KCNAB1: variants seen among roughly 807,000 people sequenced by gnomAD.
KCNAB1 encodes potassium voltage-gated channel subfamily A regulatory beta subunit 1.
KCNAB1 carries 35 observed loss-of-function variants against 64.6 expected under a neutral mutation model. The ratio of observed to expected loss-of-function variants is 0.54; its 90% CI spans 0.41 to 0.72. KCNAB1 has a LOEUF of 0.72. Among genes scored for constraint, KCNAB1 ranks in the 30% least tolerant of loss-of-function variants. The pLI, the probability that KCNAB1 is intolerant of heterozygous loss-of-function variation, is 0.00. For missense variants in KCNAB1, 401 were observed against 512.9 expected, an observed-to-expected ratio of 0.78 and a Z score of 2.11; for synonymous variants, 177 against 183.8, an observed-to-expected ratio of 0.96 and a Z score of 0.30.
chr3:156,524,412 G>T (rs1718155145), intron 12 of KCNAB1, among the ~76,000 whole-genome samples: 1 of 152,176 alleles, frequency 6.6e-6, no homozygotes, highest in Non-Finnish European at 1.5e-5. Flanking sequence ...TTCTTCTAAT[G>T]CTGTGGAGTC....
intron 12 of KCNAB1, 91 bp downstream of exon 12, chr3:156,524,038 T>C: frequency 8.1e-7 from 1 of 1,239,526 alleles, no homozygotes; most frequent in Non-Finnish European, 1.1e-6. Flanking sequence ...CATGATAAAA[T>C]GTCTATTGCA....
rs184659763 is a variant in KCNAB1, at chr3:156,510,933, T to C, written c.659-3431T>C. 3.6e-3 allele frequency among the ~76,000 whole-genome samples: 551 copies of C among 152,202 alleles called. 1 individual carries two copies. Among genetic ancestry groups the C allele is most frequent in the South Asian group, 0.011 (52 of 4,816 alleles). On this transcript the variant is annotated intron_variant, in intron 8 of 13. Transcript: ENST00000490337. Reference sequence around the variant, plus strand: ...AACCCCTGGGCTGGCCATCAGAAACTCTTCTCTTTTCTGTCTATAGACTTT... The same window carrying C: ...AACCCCTGGGCTGGCCATCAGAAACCCTTCTCTTTTCTGTCTATAGACTTT...
intron 1 of KCNAB1, among the ~76,000 whole-genome samples, chr3:156,208,765 A>C (rs1428617860): frequency 1.3e-5 from 2 of 152,144 alleles, no homozygotes; most frequent in African/African-American, 4.8e-5. Context: ...CACAATGTTC[A>C]CTAATTAGCC....
At chr3:156,256,626 C>T (rs757034449) in intron 1 of KCNAB1, among the ~76,000 whole-genome samples, 1 of 152,194 alleles carries the variant, frequency 6.6e-6, no homozygotes, top group Non-Finnish European at 1.5e-5. Flanking sequence ...TGAAGACTTA[C>T]CAGTGGGCCA....
chr3:156,367,104 C>T (rs1725989421), intron 1 of KCNAB1, among the ~76,000 whole-genome samples: 1 of 151,524 alleles, frequency 6.6e-6, no homozygotes, highest in Non-Finnish European at 1.5e-5. Context: ...CATAAAAGTC[C>T]TTTGCATGAA....
In KCNAB1 at chr3:156,127,501, T is replaced by G. The variant is rs372930143; in HGVS notation, c.275+6615T>G. ...AAGATTGCCTCCTAGCTCATTGTTC[T>G]GTTGTTTTGCATATTAGAGAAAATG... is the stretch of plus-strand genomic sequence containing the variant. On this transcript the variant is annotated intron_variant, in intron 1 of 13. Coordinates refer to ENST00000490337, the MANE Select transcript of KCNAB1 (RefSeq NM_172160.3). Among the ~76,000 whole-genome samples, 8 of 152,382 alleles carry G rather than the reference T, an allele frequency of 5.2e-5. No individual in the cohort carries two copies. In the East Asian group the frequency reaches 7.7e-4, roughly 15 times the overall value.
At chr3:156,249,385 A>G (rs1717674190) in intron 1 of KCNAB1, among the ~76,000 whole-genome samples, 9 of 152,046 alleles carry the variant, frequency 5.9e-5, no homozygotes, top group Admixed American at 4.6e-4. Context: ...CAGCCTGGCC[A>G]ACCTGGCGTA....
At chr3:156,270,074 C>A (rs972295611) in intron 1 of KCNAB1, among the ~76,000 whole-genome samples, 5 of 151,994 alleles carry the variant, frequency 3.3e-5, no homozygotes, top group South Asian at 2.1e-4. Flanking sequence ...TGCCACTACG[C>A]CCAGCTAATT....
intron 8 of KCNAB1, among the ~76,000 whole-genome samples, chr3:156,491,737 C>A (rs1715645132): frequency 6.6e-6 from 1 of 151,780 alleles, no homozygotes; most frequent in Non-Finnish European, 1.5e-5. Context: ...CTTTATTTGG[C>A]TTTGGAGGTC....
intron 2 of KCNAB1, among the ~76,000 whole-genome samples, chr3:156,433,421 T>A (rs1353484656): frequency 2.0e-5 from 3 of 152,128 alleles, no homozygotes; most frequent in Non-Finnish European, 2.9e-5. Flanking sequence ...GAAGGAAATA[T>A]AAAGCGTCAT....
At chr3:156,451,458 C>A (rs1278162674) in intron 2 of KCNAB1, among the ~76,000 whole-genome samples, 1 of 152,116 alleles carries the variant, frequency 6.6e-6, no homozygotes, top group Admixed American at 6.5e-5. Context: ...TTCTTGAAGC[C>A]AGTCCGTTTG....
At chr3:156,444,115 C>A (rs1312070849) in intron 2 of KCNAB1, among the ~76,000 whole-genome samples, 2 of 152,210 alleles carry the variant, frequency 1.3e-5, no homozygotes, top group Non-Finnish European at 2.9e-5. Context: ...AAGGGCCAGG[C>A]TCTGTGGAAA....
chr3:156,363,175 G>T (rs1393416394), intron 1 of KCNAB1, among the ~76,000 whole-genome samples: 1 of 152,190 alleles, frequency 6.6e-6, no homozygotes, highest in Non-Finnish European at 1.5e-5. Context: ...TGACATTATT[G>T]TGTATTAGGT....
At chr3:156,314,640 A>C (rs1309902016) in intron 1 of KCNAB1, among the ~76,000 whole-genome samples, 1 of 152,266 alleles carries the variant, frequency 6.6e-6, no homozygotes, top group Non-Finnish European at 1.5e-5. Flanking sequence ...TTCTGATTAA[A>C]AGCTGGTCAT....
chr3:156,320,249 T>A (rs1722567140), intron 1 of KCNAB1, among the ~76,000 whole-genome samples: 1 of 152,198 alleles, frequency 6.6e-6, no homozygotes, highest in Admixed American at 6.5e-5. Context: ...TTTTCTCTCC[T>A]TAATCTAAAC....
chr3:156,341,308 G>C (rs943288508), intron 1 of KCNAB1, among the ~76,000 whole-genome samples: 19 of 152,158 alleles, frequency 1.2e-4, no homozygotes, highest in African/African-American at 4.6e-4. Context: ...CCCAAATCTA[G>C]ACGACGAGTT....
chr3:156,296,241 G>T (rs895433049), intron 1 of KCNAB1, among the ~76,000 whole-genome samples: 11 of 152,036 alleles, frequency 7.2e-5, no homozygotes, highest in Non-Finnish European at 1.0e-4. Flanking sequence ...GTTTTTGTTT[G>T]GTTGGTTTGG....
At chr3:156,246,646 A>C (rs1576641751) in intron 1 of KCNAB1, among the ~76,000 whole-genome samples, 1 of 152,138 alleles carries the variant, frequency 6.6e-6, no homozygotes, top group Non-Finnish European at 1.5e-5. Flanking sequence ...AAAAAAAAAA[A>C]AAAACCCAAC....
intron 7 of KCNAB1, among the ~76,000 whole-genome samples, chr3:156,472,899 C>A (rs1173832300): frequency 6.6e-6 from 1 of 152,156 alleles, no homozygotes; most frequent in Non-Finnish European, 1.5e-5. Flanking sequence ...AAAATCACAC[C>A]TGTCTGTGAC....
Sources: gnomAD v4.1 joint callset for allele counts (sites outside exome capture counted in the v4.1 genomes callset) on GRCh38, gnomAD v4.1.1 for gene constraint, MANE v1.5 for transcripts, NCBI Gene and HGNC (gene_info 2026-07-23, HGNC 2026-07-21) for gene names.